Variants in HS3ST2 observed in about 807,000 individuals in gnomAD.
HS3ST2 encodes the protein heparan sulfate-glucosamine 3-sulfotransferase 2, also known as heparan sulfate glucosamine 3-O-sulfotransferase 2.
Under a neutral mutation model 26.3 loss-of-function variants are expected in HS3ST2, and 17 were observed. That is an observed-to-expected ratio of 0.65 (90% confidence interval 0.44 to 0.97). The LOEUF is 0.97. Ranked by LOEUF, HS3ST2 falls within the 50% of genes least tolerant of loss-of-function variation. HS3ST2 has a pLI of 0.00. For synonymous variants in HS3ST2, 237 were observed against 219.2 expected (o/e 1.08, Z -0.72); for missense variants, 402 against 501.2 (o/e 0.80, Z 1.89).
chr16:22,904,917 T>A (rs1902330295), intron 1 of HS3ST2, among the ~76,000 whole-genome samples: 1 of 152,222 alleles, frequency 6.6e-6, no homozygotes, highest in Non-Finnish European at 1.5e-5. Context: ...ATGACTTCGC[T>A]CAACTAGGCG....
At chr16:22,823,350 A>G (rs767338856) in intron 1 of HS3ST2, among the ~76,000 whole-genome samples, 6 of 152,216 alleles carry the variant, frequency 3.9e-5, no homozygotes, top group Non-Finnish European at 7.3e-5. Context: ...ATCAGAAGGA[A>G]TGAAGGTAAA....
At chr16:22,890,590 G>A (rs1014127630) in intron 1 of HS3ST2, among the ~76,000 whole-genome samples, 2 of 152,162 alleles carry the variant, frequency 1.3e-5, no homozygotes, top group African/African-American at 4.8e-5. Context: ...GTCTTACCCA[G>A]TACCAGGCAC....
Position 22,877,185 on chromosome 16 carries a change from A to G in HS3ST2, c.486-37759A>G, listed in dbSNP as rs1038615421. Among the ~76,000 whole-genome samples, 10 of 152,194 alleles carry G rather than the reference A, an allele frequency of 6.6e-5. No individual in the cohort carries two copies. In the East Asian group the frequency reaches 7.7e-4, roughly 12 times the overall value. ...GAATGTGGCTGGGAGATATGACTTA[A>G]GTTCTGAAGTCACAAGAGCCTGCTG... is the stretch of plus-strand genomic sequence containing the variant. On this transcript the variant is annotated intron_variant, in intron 1 of 1. Transcript: ENST00000261374.
chr16:22,911,920 A>G (rs148155674), intron 1 of HS3ST2, among the ~76,000 whole-genome samples: 21 of 152,234 alleles, frequency 1.4e-4, no homozygotes, highest in Admixed American at 8.5e-4. Flanking sequence ...CCAGGAGTTC[A>G]AGACCAGCCT....
intron 1 of HS3ST2, among the ~76,000 whole-genome samples, chr16:22,897,365 C>T (rs1159396709): frequency 1.3e-5 from 2 of 152,164 alleles, no homozygotes; most frequent in African/African-American, 4.8e-5. Flanking sequence ...AGAGTGGGTG[C>T]TCAGCAAATA....
chr16:22,886,751 C>T (rs1354780581), intron 1 of HS3ST2, among the ~76,000 whole-genome samples: 3 of 151,822 alleles, frequency 2.0e-5, no homozygotes, highest in African/African-American at 7.3e-5. Context: ...ACTGTGGCAT[C>T]GATTCCACTT....
rs151298442 is a variant in HS3ST2 at position 22,884,077 on chromosome 16, C to T, written c.486-30867C>T. On this transcript the variant is annotated intron_variant, in intron 1 of 1. Coordinates refer to ENST00000261374, the MANE Select transcript of HS3ST2 (RefSeq NM_006043.2). ...ACAGAGACAGAGGAAAAGGGAAAGA[C>T]CCAGGGTCAAGAAAGGCATTGAGCT... is the stretch of plus-strand genomic sequence containing the variant. Among the ~76,000 whole-genome samples, 10 of 152,318 alleles carry T rather than the reference C, an allele frequency of 6.6e-5. No individual in the cohort carries two copies. In the East Asian group the frequency reaches 1.9e-3, roughly 29 times the overall value.
intron 1 of HS3ST2, among the ~76,000 whole-genome samples, chr16:22,855,653 C>T (rs1338557129): frequency 1.3e-5 from 2 of 151,204 alleles, no homozygotes; most frequent in African/African-American, 2.4e-5. Flanking sequence ...GTATCAGGAA[C>T]AATGCATCAG....
intron 1 of HS3ST2, among the ~76,000 whole-genome samples, chr16:22,878,819 C>T (rs1354263526): frequency 1.3e-5 from 2 of 152,044 alleles, no homozygotes; most frequent in Admixed American, 6.5e-5. Flanking sequence ...GAGGGAAGCA[C>T]TTCCATGCAG....
chr16:22,819,780 C>T (rs537269138), intron 1 of HS3ST2, among the ~76,000 whole-genome samples: 19 of 152,186 alleles, frequency 1.2e-4, no homozygotes, highest in South Asian at 8.3e-4. Flanking sequence ...AGTCTAAGTA[C>T]GAAAGAGAAT....
chr16:22,855,690 C>CTCTCTG (rs1382695973), intron 1 of HS3ST2, among the ~76,000 whole-genome samples: 1 of 136,140 alleles, frequency 7.3e-6, no homozygotes, highest in Non-Finnish European at 1.6e-5. Flanking sequence ...GTCTCTCTGT[C>CTCTCTG]TCTCTGTCTC....
intron 1 of HS3ST2, among the ~76,000 whole-genome samples, chr16:22,830,963 A>G (rs756987503): frequency 1.3e-5 from 2 of 152,230 alleles, no homozygotes; most frequent in Non-Finnish European, 2.9e-5. Context: ...GTAGTCATAA[A>G]ATGAATGCAG....
chr16:22,894,192 AG>A (rs906474462), intron 1 of HS3ST2, among the ~76,000 whole-genome samples: 2 of 152,076 alleles, frequency 1.3e-5, no homozygotes, highest in African/African-American at 4.8e-5. Flanking sequence ...TTCTCTTGAG[AG>A]GGCTCCTCCG....
intron 1 of HS3ST2, among the ~76,000 whole-genome samples, chr16:22,844,536 C>T (rs1054075345): frequency 4.6e-5 from 7 of 152,070 alleles, no homozygotes; most frequent in Non-Finnish European, 7.3e-5. Flanking sequence ...GTGTCCCCAC[C>T]GAAACCTCAT....
intron 1 of HS3ST2, among the ~76,000 whole-genome samples, chr16:22,824,080 A>G (rs939784385): frequency 6.6e-6 from 1 of 152,252 alleles, no homozygotes; most frequent in Non-Finnish European, 1.5e-5. Context: ...TCAGTGTCAC[A>G]AAAGTCAGAG....
intron 1 of HS3ST2, among the ~76,000 whole-genome samples, chr16:22,877,812 T>A (rs1901939602): frequency 6.6e-6 from 1 of 152,182 alleles, no homozygotes; most frequent in African/African-American, 2.4e-5. Context: ...TCTGACCAAG[T>A]AAGACAGTGC....
chr16:22,897,985 A>G (rs1269009090), intron 1 of HS3ST2, among the ~76,000 whole-genome samples: 2 of 152,258 alleles, frequency 1.3e-5, no homozygotes. Context: ...CACAAAGACG[A>G]TAAGTAAACA....
intron 1 of HS3ST2, among the ~76,000 whole-genome samples, chr16:22,846,541 G>A (rs1901435612): frequency 6.6e-6 from 1 of 152,100 alleles, no homozygotes; most frequent in Non-Finnish European, 1.5e-5. Context: ...GGATGTTTAC[G>A]TGAACTCCTC....
chr16:22,882,984 T>C (rs1165588391), intron 1 of HS3ST2, among the ~76,000 whole-genome samples: 3 of 151,636 alleles, frequency 2.0e-5, no homozygotes, highest in African/African-American at 4.9e-5. Context: ...TGAGCTGACA[T>C]TGTGCCACTG....
Sources: allele counts gnomAD v4.1 joint callset (sites outside exome capture counted in the v4.1 genomes callset), GRCh38; gene constraint gnomAD v4.1.1; transcripts MANE v1.5; gene names NCBI Gene and HGNC (gene_info 2026-07-23, HGNC 2026-07-21).